PKP4: variants seen among roughly 807,000 people sequenced by gnomAD.
PKP4 encodes plakophilin-4.
PKP4 carries 90 observed loss-of-function variants against 145.1 expected under a neutral mutation model. The observed-to-expected ratio is 0.62, with a 90% confidence interval of 0.52 to 0.74. The LOEUF (loss-of-function observed/expected upper bound fraction) is 0.74, where lower values mean the gene tolerates loss of function less well. Among genes scored for constraint, PKP4 ranks in the 30% least tolerant of loss-of-function variants. PKP4 has a pLI of 0.00. For missense variants in PKP4, 1,340 were observed against 1,482.7 expected (o/e 0.90, Z 1.58); for synonymous variants, 563 against 577.2 (o/e 0.98, Z 0.35).
intron 1 of PKP4, among the ~76,000 whole-genome samples, chr2:158,477,409 C>G (rs977665576): frequency 1.3e-5 from 2 of 152,132 alleles, no homozygotes; most frequent in Non-Finnish European, 2.9e-5. Flanking sequence ...AATGATCTAG[C>G]CAACTCAGCT....
intron 1 of PKP4, among the ~76,000 whole-genome samples, chr2:158,530,591 T>A (rs2043446389): frequency 6.7e-6 from 1 of 148,712 alleles, no homozygotes; most frequent in Non-Finnish European, 1.5e-5. Flanking sequence ...ACTTTCTAAT[T>A]CATTAAATGG....
At chr2:158,602,676 G>T (rs1313993973) in intron 3 of PKP4, among the ~76,000 whole-genome samples, 2 of 152,022 alleles carry the variant, frequency 1.3e-5, no homozygotes, top group Non-Finnish European at 2.9e-5. Context: ...TGTTCTAATT[G>T]CTGCTTTTGA....
intron 1 of PKP4, among the ~76,000 whole-genome samples, chr2:158,528,401 A>T (rs1164720591): frequency 1.9e-5 from 2 of 104,478 alleles, no homozygotes; most frequent in African/African-American, 3.4e-5. Flanking sequence ...AAAACCAAAC[A>T]CCACATATTC....
intron 1 of PKP4, among the ~76,000 whole-genome samples, chr2:158,519,220 A>G (rs559808593): frequency 6.6e-6 from 1 of 151,310 alleles, no homozygotes; most frequent in African/African-American, 2.4e-5. Flanking sequence ...TTAAAAATTC[A>G]TTTTGCTATT....
At chr2:158,625,760 AT>A (rs1208194617) in intron 7 of PKP4, among the ~76,000 whole-genome samples, 2 of 151,982 alleles carry the variant, frequency 1.3e-5, no homozygotes, top group Non-Finnish European at 2.9e-5. Context: ...TTAATGAAAT[AT>A]TTTTTACCAG....
intron 1 of PKP4, among the ~76,000 whole-genome samples, chr2:158,523,387 G>A (rs1047763338): frequency 3.6e-5 from 4 of 109,668 alleles, no homozygotes; most frequent in African/African-American, 1.0e-4. Context: ...CACCTCACAC[G>A]GCAGGGTATT....
intron 2 of PKP4, among the ~76,000 whole-genome samples, chr2:158,547,373 A>G (rs1029471216): frequency 7.9e-5 from 12 of 152,226 alleles, no homozygotes; most frequent in African/African-American, 2.4e-4. Context: ...ATGAATCTCA[A>G]AAATCTGCTG....
chr2:158,558,742 A>C (rs972637927), intron 2 of PKP4, among the ~76,000 whole-genome samples: 1 of 152,142 alleles, frequency 6.6e-6, no homozygotes, highest in African/African-American at 2.4e-5. Flanking sequence ...CAAGAGAGTG[A>C]TGCGATGGTC....
chr2:158,649,647 A>G lies in PKP4; in HGVS notation c.1909+6948A>G, dbSNP rs528345810. Among the ~76,000 whole-genome samples the G allele has an allele frequency of 3.3e-5, 5 of 152,354 alleles. No homozygotes were observed. In the East Asian group the frequency reaches 7.7e-4, roughly 24 times the overall value. ...GAATATGACCCTGTATTTTGAGTGTAGGCTTCCGAGTGCCAAGCACAAGGA... is the reference window on the plus strand; with the variant it reads ...GAATATGACCCTGTATTTTGAGTGTGGGCTTCCGAGTGCCAAGCACAAGGA... On this transcript the variant is annotated intron_variant, in intron 11 of 21. Transcript: ENST00000389759.
chr2:158,503,534 A>G (rs1226663829), intron 1 of PKP4, among the ~76,000 whole-genome samples: 1 of 152,216 alleles, frequency 6.6e-6, no homozygotes, highest in Non-Finnish European at 1.5e-5. Context: ...GTGGAGATAC[A>G]CTTGTAATTT....
intron 21 of PKP4, among the ~76,000 whole-genome samples, chr2:158,680,164 C>T (rs1465783543): frequency 6.6e-6 from 1 of 152,174 alleles, no homozygotes; most frequent in Non-Finnish European, 1.5e-5. Flanking sequence ...GGCCACCTGC[C>T]CTGAGATCTC....
chr2:158,630,074 T>C (rs1436631180), intron 7 of PKP4, among the ~76,000 whole-genome samples: 1 of 141,774 alleles, frequency 7.1e-6, no homozygotes, highest in Admixed American at 6.9e-5. Context: ...AATGATTTGC[T>C]ATTTTTTTAA....
At chr2:158,465,775 A>G (rs1460524144) in intron 1 of PKP4, among the ~76,000 whole-genome samples, 1 of 152,216 alleles carries the variant, frequency 6.6e-6, no homozygotes, top group Non-Finnish European at 1.5e-5. Flanking sequence ...TTTGTCGACA[A>G]CTACATAAGC....
At chr2:158,481,416 G>A (rs560443879) in intron 1 of PKP4, among the ~76,000 whole-genome samples, 1 of 152,294 alleles carries the variant, frequency 6.6e-6, no homozygotes, top group Non-Finnish European at 1.5e-5. Flanking sequence ...TAGGAGAGGA[G>A]TTGCTGGGTC....
At chr2:158,563,507 A>G (rs1375310983) in intron 2 of PKP4, among the ~76,000 whole-genome samples, 1 of 152,150 alleles carries the variant, frequency 6.6e-6, no homozygotes, top group Non-Finnish European at 1.5e-5. Context: ...ATTCTGTATC[A>G]GCACATTTGG....
At chr2:158,475,575 C>T (rs1442193251) in intron 1 of PKP4, among the ~76,000 whole-genome samples, 2 of 152,222 alleles carry the variant, frequency 1.3e-5, no homozygotes. Context: ...AGCCAGAAGA[C>T]TTCTCTGCCA....
intron 2 of PKP4, chr2:158,533,566 C>T: frequency 3.5e-6 from 2 of 570,326 alleles, no homozygotes; most frequent in Non-Finnish European, 6.8e-6. Flanking sequence ...ATCGGTGTCT[C>T]TGTCTCTCCC....
At chr2:158,535,660 T>C (rs78886833) in intron 2 of PKP4, among the ~76,000 whole-genome samples, 29,708 of 152,090 alleles carry the variant, frequency 0.2, 3,783 homozygotes, top group Middle Eastern at 0.35. Context: ...CCGCATGCAG[T>C]CCTCCTGCCT....
chr2:158,545,854 T>G (rs1387557084), intron 2 of PKP4, among the ~76,000 whole-genome samples: 1 of 152,228 alleles, frequency 6.6e-6, no homozygotes, highest in Non-Finnish European at 1.5e-5. Flanking sequence ...AAGACTCAAT[T>G]TCTCTTGCAT....
Sources: allele counts gnomAD v4.1 joint callset (sites outside exome capture counted in the v4.1 genomes callset), GRCh38; gene constraint gnomAD v4.1.1; transcripts MANE v1.5; gene names NCBI Gene and HGNC (gene_info 2026-07-23, HGNC 2026-07-21).